Variants in FBXO42 observed in about 807,000 individuals in gnomAD.
FBXO42 encodes F-box only protein 42.
A neutral mutation model predicts 71.7 loss-of-function variants in FBXO42; 12 were observed. The ratio of observed to expected loss-of-function variants is 0.17; its 90% CI spans 0.11 to 0.27. The LOEUF is 0.27. Among genes scored for constraint, FBXO42 ranks in the 10% least tolerant of loss-of-function variants. FBXO42 has a pLI of 1.00. For missense variants in FBXO42, 707 were observed against 911.9 expected (o/e 0.78, Z 2.89); for synonymous variants, 325 against 327.5 (o/e 0.99, Z 0.08).
chr1:16,347,820 T>G (rs1170675792), intron 1 of FBXO42, among the ~76,000 whole-genome samples: 1 of 151,986 alleles, frequency 6.6e-6, no homozygotes, highest in Non-Finnish European at 1.5e-5. Flanking sequence ...AAACCCTGTC[T>G]TTACTAAAAA....
At chr1:16,267,944 C>T (rs940006789) in intron 4 of FBXO42, among the ~76,000 whole-genome samples, 3 of 152,094 alleles carry the variant, frequency 2.0e-5, no homozygotes, top group Admixed American at 6.5e-5. Context: ...TTAACAAAAC[C>T]ATATGAAAGA....
chr1:16,351,795 G>A (rs1453586629), intron 1 of FBXO42, among the ~76,000 whole-genome samples: 1 of 152,142 alleles, frequency 6.6e-6, no homozygotes, highest in Admixed American at 6.6e-5. Flanking sequence ...TTTATTTAAC[G>A]TAAACCAATT....
intron 1 of FBXO42, among the ~76,000 whole-genome samples, chr1:16,336,366 GT>G (rs371187887): frequency 2.1e-5 from 3 of 146,124 alleles, no homozygotes; most frequent in Admixed American, 6.9e-5. Context: ...GTTTGTTTTT[GT>G]TTTTTTTTTG....
At chr1:16,280,776 G>GA (rs538419371) in intron 4 of FBXO42, among the ~76,000 whole-genome samples, 103 of 148,648 alleles carry the variant, frequency 6.9e-4, no homozygotes, top group Middle Eastern at 3.4e-3. Flanking sequence ...CCAGTCTCCA[G>GA]AAAAAAAAAC....
intron 1 of FBXO42, among the ~76,000 whole-genome samples, chr1:16,320,440 C>T (rs1184282002): frequency 6.7e-6 from 1 of 150,288 alleles, no homozygotes; most frequent in African/African-American, 2.4e-5. Context: ...CTTACTTGTT[C>T]CCTTATATAT....
chr1:16,319,166 G>C (rs1023971449), intron 1 of FBXO42, among the ~76,000 whole-genome samples: 31 of 152,188 alleles, frequency 2.0e-4, no homozygotes, highest in African/African-American at 7.2e-4. Flanking sequence ...GGGTGGGGAA[G>C]GAAACGAAGA....
chr1:16,345,500 G>A (rs1569954776), intron 1 of FBXO42, among the ~76,000 whole-genome samples: 1 of 151,908 alleles, frequency 6.6e-6, no homozygotes, highest in Non-Finnish European at 1.5e-5. Context: ...TGAAGACCCT[G>A]TAGCAATGAG....
At position 16,251,735 on chromosome 1, in the gene FBXO42, T is replaced by C. The variant is rs775996991; in HGVS notation, c.1089A>G (p.Pro363=). The C allele has an allele frequency of 8.1e-5, 130 of 1,613,942 alleles. No individual in the cohort carries two copies. The highest frequency in any genetic ancestry group is 1.0e-4 in the Non-Finnish European group (118 of 1,180,006). The change falls in exon 10 of 10, where the codon CCA becomes CCG. Residue 363 remains proline, a synonymous_variant. Transcript: ENST00000375592. This position sits in a 1 kb window ranked among gnomAD's most constrained non-coding sequence, Gnocchi z 4.5. The part of the protein sequence containing the change: ...VFSQAPSGRA[P]LSPSLNSRPS... ...GGCGAGAGTTCAAACTGGGGCTGAG[T>C]GGGGCTCTCCCACTAGGAGCCTGGC...
At chr1:16,280,897 T>C (rs2081956783) in intron 4 of FBXO42, among the ~76,000 whole-genome samples, 1 of 152,148 alleles carries the variant, frequency 6.6e-6, no homozygotes, top group Admixed American at 6.6e-5. Context: ...ACTGGCTATG[T>C]GATTTTAGGT....
chr1:16,330,167 C>A (rs1399239378), intron 1 of FBXO42, among the ~76,000 whole-genome samples: 3 of 152,084 alleles, frequency 2.0e-5, no homozygotes, highest in Non-Finnish European at 4.4e-5. Flanking sequence ...ATACCTTGGG[C>A]AAATAAAACT....
intron 6 of FBXO42, 102 bp downstream of exon 6, chr1:16,255,609 A>G: frequency 1.1e-6 from 1 of 924,228 alleles, no homozygotes; most frequent in Non-Finnish European, 1.6e-6. Flanking sequence ...TGCTGGGATT[A>G]CAGGTGTGAA....
chr1:16,315,728 A>C (rs1017743368), intron 1 of FBXO42, among the ~76,000 whole-genome samples: 1 of 152,174 alleles, frequency 6.6e-6, no homozygotes, highest in Non-Finnish European at 1.5e-5. Flanking sequence ...CAATTCTTCT[A>C]ACTCAAGGAT....
At chr1:16,303,953 G>A (rs755171335) in intron 3 of FBXO42, among the ~76,000 whole-genome samples, 5 of 151,874 alleles carry the variant, frequency 3.3e-5, no homozygotes, top group East Asian at 1.9e-4. Context: ...GGGTTTCACC[G>A]TGTTAGCCAA....
chr1:16,351,955 C>A (rs2082706016), intron 1 of FBXO42, among the ~76,000 whole-genome samples: 1 of 152,178 alleles, frequency 6.6e-6, no homozygotes, highest in Non-Finnish European at 1.5e-5. Context: ...ACCCTAAAGC[C>A]ATCCTTGCCC....
chr1:16,287,625 C>G (rs1180327485), intron 4 of FBXO42, among the ~76,000 whole-genome samples: 2 of 152,156 alleles, frequency 1.3e-5, no homozygotes, highest in African/African-American at 4.8e-5. Context: ...TGGGCTCTTG[C>G]TATGTTGCTC....
chr1:16,335,869 C>CAA (rs59693692), intron 1 of FBXO42, among the ~76,000 whole-genome samples: 94 of 84,368 alleles, frequency 1.1e-3, no homozygotes, highest in African/African-American at 1.9e-3. Flanking sequence ...TCCATCGCGC[C>CAA]AAAAAAAAAA....
Position 16,251,642 on chromosome 1 carries a change from T to C in FBXO42, c.1182A>G (p.Pro394=). The change falls in exon 10 of 10, where the codon CCA becomes CCG. Residue 394 remains proline, a synonymous_variant. Coordinates refer to ENST00000375592, the MANE Select transcript of FBXO42 (RefSeq NM_018994.3). The surrounding 1 kb of genome is among the most constrained non-coding windows in gnomAD (Gnocchi z 4.5). ...PETREYRSQS[P]VRSMDEAPCV... ...AAGGAGCTTCATCCATGCTTCTTAC[T>C]GGAGACTGAGAGCGGTACTCTCGGG... is the stretch of plus-strand genomic sequence containing the variant. The C allele has an allele frequency of 6.2e-7, 1 of 1,614,176 alleles. No homozygotes were observed. The highest frequency in any genetic ancestry group is 1.3e-5 in the African/African-American group (1 of 75,032).
At chr1:16,268,184 C>T (rs1336789337) in intron 4 of FBXO42, among the ~76,000 whole-genome samples, 1 of 152,108 alleles carries the variant, frequency 6.6e-6, no homozygotes, top group African/African-American at 2.4e-5. Context: ...AACAATGTTA[C>T]CAGTCATAAA....
intron 1 of FBXO42, among the ~76,000 whole-genome samples, chr1:16,325,193 A>C (rs2082440239): frequency 6.6e-6 from 1 of 152,102 alleles, no homozygotes; most frequent in Non-Finnish European, 1.5e-5. Context: ...AGCCAATATC[A>C]TGCCACTGCA....
Sources: allele counts gnomAD v4.1 joint callset (sites outside exome capture counted in the v4.1 genomes callset), GRCh38; gene constraint gnomAD v4.1.1; non-coding constraint Gnocchi (gnomAD v3.1); transcripts MANE v1.5; gene names NCBI Gene and HGNC (gene_info 2026-07-23, HGNC 2026-07-21).